The following PLEC variants were observed in gnomAD, a reference collection of about 807,000 sequenced individuals.
PLEC encodes plectin.
PLEC carries 216 observed loss-of-function variants against 392.8 expected under a neutral mutation model. The ratio of observed to expected loss-of-function variants is 0.55; its 90% CI spans 0.49 to 0.62. The LOEUF is 0.62. Ranked by LOEUF, PLEC falls within the 20% of genes least tolerant of loss-of-function variation. PLEC has a pLI of 0.00. For synonymous variants in PLEC, 3,621 were observed against 2,980.6 expected, an observed-to-expected ratio of 1.21 and a Z score of -7.00; for missense variants, 6,863 against 6,563.4, an observed-to-expected ratio of 1.05 and a Z score of -1.58.
chr8:143,930,705 G>A (rs993945044), intron 19 of PLEC, among the ~76,000 whole-genome samples, 169 bp from the exon 20 acceptor site: 66 of 152,214 alleles, frequency 4.3e-4, no homozygotes, highest in African/African-American at 1.5e-3. Flanking sequence ...TTGGCCCCAA[G>A]CAGACCCATG....
chr8:143,937,775 G>A (rs781991445), intron 3 of PLEC: 5 of 507,842 alleles, frequency 9.8e-6, no homozygotes, highest in Admixed American at 2.3e-5. Flanking sequence ...CTTACGTCCC[G>A]CTCCCTCGGC....
At position 143,918,408 on chromosome 8, in the gene PLEC, C is replaced by T. The variant is rs1443028323; in HGVS notation, c.11413G>A (p.Ala3805Thr). Residue 3805 changes from alanine (A) to threonine (T), a missense_variant, in exon 32 of 32, where the codon GCC becomes ACC. By Grantham distance (58) the Ala-to-Thr change is moderately conservative. Transcript: ENST00000345136. ...EALRLLDAQL[A>T]TGGIVDPRLG... Reference sequence around the variant, plus strand: ...CGGGGGTCCACGATGCCGCCGGTGGCCAGCTGGGCATCCAGCAGCCGCAGG... The same window carrying T: ...CGGGGGTCCACGATGCCGCCGGTGGTCAGCTGGGCATCCAGCAGCCGCAGG... 6.4e-7 allele frequency: 1 copy of T among 1,570,338 alleles called. No homozygotes were observed. The highest frequency in any genetic ancestry group is 2.3e-5 in the East Asian group (1 of 43,036).
intron 1 of PLEC, among the ~76,000 whole-genome samples, chr8:143,964,209 T>G (rs1413067087): frequency 6.6e-6 from 1 of 152,162 alleles, no homozygotes; most frequent in Non-Finnish European, 1.5e-5. Context: ...AGATGTAAGT[T>G]TTGAGGGACC....
In PLEC at chr8:143,925,072, C is replaced by T. The variant is rs1824508691; in HGVS notation, c.4857G>A (p.Glu1619=). ...EAERRAQQQA[E]AERAREEAER... The stretch of plus-strand genomic sequence containing the variant: ...CTGCCTCCTCGCGCGCCCGCTCGGC[C>T]TCGGCCTGCTGCTGTGCCCGCCGCT... Residue 1619 remains glutamate (E), a synonymous_variant, in exon 31 of 32, where the codon GAG becomes GAA. Transcript: ENST00000345136. 1.9e-6 allele frequency: 3 copies of T among 1,539,852 alleles called. No homozygotes were observed. The highest frequency in any genetic ancestry group is 2.6e-6 in the Non-Finnish European group (3 of 1,149,416).
intron 1 of PLEC, among the ~76,000 whole-genome samples, chr8:143,947,990 C>G (rs965271979): frequency 3.3e-5 from 5 of 152,222 alleles, no homozygotes; most frequent in Non-Finnish European, 7.3e-5. Flanking sequence ...CCATCACGCT[C>G]TCCTCACCCA....
Position 143,916,146 on chromosome 8 carries a change from C to A in PLEC, c.*31G>T. ...CGCCTCGGTGGGAGCCGGGCTGGGC[C>A]GCATGCAGAGCGGGGTGGGCGCAGG... On this transcript the variant is annotated 3_prime_UTR_variant, in exon 32 of 32. Transcript: ENST00000345136. The A allele has an allele frequency of 7.4e-6, 11 of 1,494,418 alleles. No homozygotes were observed. The highest frequency in any genetic ancestry group is 9.8e-6 in the Non-Finnish European group (11 of 1,122,976). 92.6% of individuals were successfully genotyped at this position (1,494,418 alleles called of 1,614,324 possible).
chr8:143,922,021 G>A lies in PLEC; in HGVS notation c.7800C>T (p.Leu2600=), dbSNP rs782643493. 31 of 1,597,522 alleles carry A rather than the reference G, an allele frequency of 1.9e-5. No homozygotes were observed. In the South Asian group the frequency reaches 2.2e-4, roughly 11 times the overall value. ...ENQRLREQLQ[L]LEEQHRAALA... ...GCGCGGCCCGGTGCTGCTCCTCCAG[G>A]AGCTGCAGCTGCTCACGCAGCCTCT... The change falls in exon 32 of 32, where the codon CTC becomes CTT. Residue 2600 remains leucine, a synonymous_variant. Transcript: ENST00000345136.
At position 143,919,926 on chromosome 8, in the gene PLEC, G is replaced by C; in HGVS notation, c.9895C>G (p.Arg3299Gly). 1 of 1,613,322 alleles carries C rather than the reference G, an allele frequency of 6.2e-7. No individual in the cohort carries two copies. The highest frequency in any genetic ancestry group is 8.5e-7 in the Non-Finnish European group (1 of 1,180,032). Residue 3299 changes from arginine to glycine, a missense_variant, in exon 32 of 32, where the codon CGG (arginine) becomes GGG (glycine). Arg to Gly is a moderately radical substitution (Grantham distance 125, BLOSUM62 -2). Transcript: ENST00000345136. ...ITIVEEVETL[R>G]QERLSFSGLR... ...CCGCTGAAGGACAGCCTCTCCTGCC[G>C]CAGGGTCTCCACCTCCTCCACGATG...
At chr8:143,928,255 C>T (rs554643638) in intron 25 of PLEC, among the ~76,000 whole-genome samples, 5 of 152,368 alleles carry the variant, frequency 3.3e-5, no homozygotes, top group African/African-American at 1.2e-4. Flanking sequence ...GACCCCAAGG[C>T]CCCGAGACAG....
intron 1 of PLEC, among the ~76,000 whole-genome samples, chr8:143,970,924 C>T (rs868961635): frequency 2.4e-4 from 36 of 152,158 alleles, no homozygotes; most frequent in Non-Finnish European, 1.9e-4. Context: ...GCCTCTCCCA[C>T]AGGGTGCCCA....
rs2857806 is a variant in PLEC, at chr8:143,920,056, C to T, written c.9765G>A (p.Glu3255=). The T allele has an allele frequency of 6.2e-7, 1 of 1,613,276 alleles. No individual in the cohort carries two copies. Among genetic ancestry groups the T allele is most frequent in the Non-Finnish European group, 8.5e-7 (1 of 1,180,034 alleles). The stretch of plus-strand genomic sequence containing the variant: ...CAGTGAAGTACTCAGAGCTGATGAG[C>T]TCCCACACCGTCACCGTCCTGCCCT... The part of the protein sequence containing the change: ...GFKGRTVTVW[E]LISSEYFTAE... Residue 3255 remains glutamate (E), a synonymous_variant, in exon 32 of 32, where the codon GAG becomes GAA. Coordinates refer to ENST00000345136, the MANE Select transcript of PLEC (RefSeq NM_201384.3).
rs781931836 is a variant in PLEC at position 143,923,616 on chromosome 8, C to T, written c.6313G>A (p.Ala2105Thr). 8.3e-5 allele frequency: 132 copies of T among 1,591,138 alleles called. No individual in the cohort carries two copies. In the Admixed American group the frequency reaches 2.2e-3, roughly 26 times the overall value. ...TCTTCCACCTGCCGCCGGGACTGCG[C>T]CGCCTCACGCTCCGCCTGCACCCGG... ...EARVQAEREA[A>T]QSRRQVEEAE... is the part of the protein sequence containing the mutation. Residue 2105 changes from alanine to threonine, a missense_variant, in exon 31 of 32, where the codon GCG becomes ACG. By Grantham distance (58) the Ala-to-Thr change is moderately conservative (BLOSUM62 0). Transcript: ENST00000345136.
At chr8:143,960,686 G>C (rs1832832433) in intron 1 of PLEC, among the ~76,000 whole-genome samples, 1 of 151,994 alleles carries the variant, frequency 6.6e-6, no homozygotes, top group South Asian at 2.1e-4. Context: ...TCAAAATCGT[G>C]TTGGAATAGA....
rs782333871 is a variant in PLEC at position 143,919,570 on chromosome 8, C to A, written c.10251G>T (p.Val3417=). ...GCTGCTCGTGAAGCTCGGGGCCCAC[C>A]ACGCCCGCCTTCACGGCCTCGTGGA... ...LYVHEAVKAG[V]VGPELHEQLL... The change falls in exon 32 of 32, where the codon GTG becomes GTT. Residue 3417 remains valine (V), a synonymous_variant. Coordinates refer to ENST00000345136, the MANE Select transcript of PLEC (RefSeq NM_201384.3). 1 of 1,605,008 alleles carries A rather than the reference C, an allele frequency of 6.2e-7. No individual in the cohort carries two copies. Among genetic ancestry groups the A allele is most frequent in the Non-Finnish European group, 8.5e-7 (1 of 1,177,162 alleles).
rs782456088 is a variant in PLEC, at chr8:143,973,440, G to A, written c.33C>T (p.Phe11=). ...CGCGCACCTCCTCGTAGGCCTGGAT[G>A]AAGTCCTGCTCGTCGGGCAGCGGGC... The change falls in exon 1 of 32, where the codon TTC becomes TTT. Residue 11 remains phenylalanine (F), a synonymous_variant. Coordinates refer to the PLEC transcript ENST00000356346. This position sits in a 1 kb window ranked among gnomAD's most constrained non-coding sequence, Gnocchi z 5.6. 2 of 1,535,564 alleles carry A rather than the reference G, an allele frequency of 1.3e-6. No individual in the cohort carries two copies. The highest frequency in any genetic ancestry group is 2.0e-5 in the Admixed American group (1 of 50,490).
chr8:143,941,332 C>T (rs577937657), upstream of PLEC, among the ~76,000 whole-genome samples: 35 of 152,302 alleles, frequency 2.3e-4, 1 homozygote, highest in East Asian at 5.8e-3. Flanking sequence ...GGTCCAGGAC[C>T]CACGTGGAGC....
upstream of PLEC, chr8:143,950,903 C>A: frequency 1.7e-6 from 2 of 1,185,524 alleles, no homozygotes; most frequent in South Asian, 3.2e-5. Flanking sequence ...TGGCGCCTGG[C>A]TCCGTGCAAT....
rs553456615 is a variant in PLEC at position 143,970,407 on chromosome 8, C to T, written c.70+2996G>A. ...GGCGATCGCTGTGCATGAGAGAGGGCGGGAGAGAGCACACGGATTTGGCCG... is the reference window on the plus strand; with the variant it reads ...GGCGATCGCTGTGCATGAGAGAGGGTGGGAGAGAGCACACGGATTTGGCCG... On this transcript the variant is annotated intron_variant, in intron 1 of 31. Coordinates refer to the PLEC transcript ENST00000356346. Among the ~76,000 whole-genome samples the T allele has an allele frequency of 1.2e-4, 18 of 152,042 alleles. No homozygotes were observed. The South Asian group carries it at 2.7e-3, about 23-fold the overall frequency.
Position 143,919,031 on chromosome 8 carries a change from G to A in PLEC, c.10790C>T (p.Pro3597Leu), listed in dbSNP as rs1554676972. ...CATCAGCTGGGCCCGCTGCTCCTCG[G>A]GGATCAGGTCCGACTGCATCACCTC... is the stretch of plus-strand genomic sequence containing the variant. ...LWEVMQSDLI[P>L]EEQRAQLMAD... The change falls in exon 32 of 32, where the codon CCC becomes CTC. Residue 3597 changes from proline (P) to leucine (L), a missense_variant. Pro to Leu is a moderately conservative substitution (Grantham distance 98). Coordinates refer to ENST00000345136, the MANE Select transcript of PLEC (RefSeq NM_201384.3). 5 of 1,611,306 alleles carry A rather than the reference G, an allele frequency of 3.1e-6. No individual in the cohort carries two copies. The highest frequency in any genetic ancestry group is 4.2e-6 in the Non-Finnish European group (5 of 1,180,020).
Sources: allele counts gnomAD v4.1 joint callset (sites outside exome capture counted in the v4.1 genomes callset), GRCh38; gene constraint gnomAD v4.1.1; non-coding constraint Gnocchi (gnomAD v3.1); transcripts MANE v1.5; gene names NCBI Gene and HGNC (gene_info 2026-07-23, HGNC 2026-07-21).